BMAL2: variants seen among roughly 807,000 people sequenced by gnomAD.
BMAL2 encodes basic helix-loop-helix ARNT like 2, also known as basic helix-loop-helix ARNT-like protein 2.
the BMAL2 span, among the ~76,000 whole-genome samples, chr12:27,367,358 A>G: frequency 6.6e-6 from 1 of 152,188 alleles, no homozygotes; most frequent in Non-Finnish European, 1.5e-5. Flanking sequence ...TAACTTATGA[A>G]TGATTTATTT....
chr12:27,409,566 C>T, the BMAL2 span, among the ~76,000 whole-genome samples: 1 of 152,158 alleles, frequency 6.6e-6, no homozygotes, highest in South Asian at 2.1e-4. Context: ...AACTGGATCC[C>T]TTCCTTACAC....
At chr12:27,413,816 A>C in the BMAL2 span, among the ~76,000 whole-genome samples, 1 of 152,224 alleles carries the variant, frequency 6.6e-6, no homozygotes, top group African/African-American at 2.4e-5. Flanking sequence ...TATTCCATCC[A>C]AATGATAACC....
At chr12:27,420,325 C>T in the BMAL2 span, 1 of 1,565,868 alleles carries the variant, frequency 6.4e-7, no homozygotes, top group East Asian at 2.3e-5. Context: ...CATTTTTTAA[C>T]CTCAAAATGT....
At chr12:27,387,501 C>T in the BMAL2 span, among the ~76,000 whole-genome samples, 5 of 152,152 alleles carry the variant, frequency 3.3e-5, no homozygotes, top group East Asian at 1.9e-4. Flanking sequence ...TGACTGATTG[C>T]GTTCCCTTCC....
At chr12:27,393,259 A>AAC in the BMAL2 span, among the ~76,000 whole-genome samples, 2 of 152,186 alleles carry the variant, frequency 1.3e-5, no homozygotes, top group Non-Finnish European at 2.9e-5. Flanking sequence ...CTCCTCCCTG[A>AAC]TATTCAGGAG....
chr12:27,397,046 T>G, the BMAL2 span, among the ~76,000 whole-genome samples: 1 of 151,698 alleles, frequency 6.6e-6, no homozygotes, highest in African/African-American at 2.4e-5. Flanking sequence ...TTCACTGTGG[T>G]TTTGTTTGTT....
the BMAL2 span, among the ~76,000 whole-genome samples, chr12:27,376,678 G>A: frequency 6.6e-6 from 1 of 152,036 alleles, no homozygotes; most frequent in Non-Finnish European, 1.5e-5. Context: ...AAACAAATCA[G>A]TTACTTATGA....
chr12:27,333,020 C>A, the BMAL2 span: 7 of 1,174,800 alleles, frequency 6.0e-6, no homozygotes, highest in African/African-American at 1.6e-5. Context: ...GGGCCCGGGG[C>A]TCCTCCATGC....
chr12:27,395,660 A>G, the BMAL2 span, among the ~76,000 whole-genome samples: 1 of 152,280 alleles, frequency 6.6e-6, no homozygotes, highest in South Asian at 2.1e-4. Context: ...AGTTTTACAC[A>G]TTTATAGAAG....
At chr12:27,393,072 A>C in the BMAL2 span, among the ~76,000 whole-genome samples, 3 of 152,142 alleles carry the variant, frequency 2.0e-5, no homozygotes, top group Non-Finnish European at 4.4e-5. Flanking sequence ...CTTCTGACAT[A>C]AGTAAACTTA....
At chr12:27,374,423 G>A in the BMAL2 span, among the ~76,000 whole-genome samples, 1 of 152,216 alleles carries the variant, frequency 6.6e-6, no homozygotes, top group African/African-American at 2.4e-5. Flanking sequence ...ATGGGAGGAT[G>A]TGCATAGGTT....
At chr12:27,419,762 A>G in the BMAL2 span, among the ~76,000 whole-genome samples, 1 of 152,182 alleles carries the variant, frequency 6.6e-6, no homozygotes, top group African/African-American at 2.4e-5. Flanking sequence ...GTACTTTGAC[A>G]CATATATACA....
At chr12:27,370,290 C>G in the BMAL2 span, 7 of 1,277,528 alleles carry the variant, frequency 5.5e-6, no homozygotes, top group African/African-American at 8.8e-5. Flanking sequence ...CATAGAGTGG[C>G]AGTGAAAACA....
At chr12:27,332,847 C>A in the BMAL2 span, 23 of 179,516 alleles carry the variant, frequency 1.3e-4, no homozygotes, top group East Asian at 3.8e-3. Flanking sequence ...GAGCGGCGGG[C>A]GGCTGGCTCC....
chr12:27,368,356 C>T, the BMAL2 span: 8 of 1,614,168 alleles, frequency 5.0e-6, no homozygotes, highest in Non-Finnish European at 6.8e-6. Context: ...GGTCTTTCAG[C>T]TCACACATGA....
At chr12:27,420,266 A>T in the BMAL2 span, 1 of 1,189,032 alleles carries the variant, frequency 8.4e-7, no homozygotes, top group Non-Finnish European at 1.2e-6. Context: ...TGCCTTCAAA[A>T]ATACATTTTA....
At chr12:27,391,243 CCTT>C in the BMAL2 span, among the ~76,000 whole-genome samples, 1 of 152,056 alleles carries the variant, frequency 6.6e-6, no homozygotes, top group South Asian at 2.1e-4. Context: ...GTGTTTATGT[CCTT>C]ATGTGCTCCA....
the BMAL2 span, among the ~76,000 whole-genome samples, chr12:27,366,228 G>A: frequency 6.6e-6 from 1 of 152,054 alleles, no homozygotes; most frequent in Non-Finnish European, 1.5e-5. Flanking sequence ...CCAATATATT[G>A]TCAGTCTTTA....
the BMAL2 span, among the ~76,000 whole-genome samples, chr12:27,385,098 G>C: frequency 1.1e-4 from 17 of 152,308 alleles, 1 homozygote; most frequent in South Asian, 1.7e-3. Context: ...TGGATTGCTT[G>C]AGGCCAGGAG....
Sources: gnomAD v4.1 joint callset for allele counts (sites outside exome capture counted in the v4.1 genomes callset) on GRCh38, gnomAD v4.1.1 for gene constraint, MANE v1.5 for transcripts, NCBI Gene and HGNC (gene_info 2026-07-23, HGNC 2026-07-21) for gene names.